Variants in CAST observed in about 807,000 individuals in gnomAD.
The protein encoded by CAST is calpastatin, also known as MIR583 host.
A neutral mutation model predicts 119.6 loss-of-function variants in CAST; 76 were observed. That is an observed-to-expected ratio of 0.64 (90% CI 0.53 to 0.77). CAST has a LOEUF of 0.77. CAST is among the 30% of genes least tolerant of loss of function. The pLI is 0.00. For missense variants in CAST, 953 were observed against 946.5 expected, an observed-to-expected ratio of 1.01 and a Z score of -0.09; for synonymous variants, 319 against 331.6, an observed-to-expected ratio of 0.96 and a Z score of 0.41.
chr5:96,303,382 A>G, the CAST span, among the ~76,000 whole-genome samples: 1 of 152,176 alleles, frequency 6.6e-6, no homozygotes, highest in African/African-American at 2.4e-5. Context: ...CTTTTGTGAA[A>G]TATTTAGGAT....
chr5:96,092,885 C>A, the CAST span, among the ~76,000 whole-genome samples: 1 of 152,202 alleles, frequency 6.6e-6, no homozygotes, highest in Non-Finnish European at 1.5e-5. Context: ...CACCGTGTAG[C>A]TTAACTAGGA....
chr5:95,961,656 C>G, the CAST span: 2 of 1,610,472 alleles, frequency 1.2e-6, no homozygotes, highest in African/African-American at 2.7e-5. Context: ...TGTCCTGCCC[C>G]AGCCGTCCGC....
chr5:96,611,982 A>C (rs2150196439), intron 1 of CAST, among the ~76,000 whole-genome samples: 1 of 152,352 alleles, frequency 6.6e-6, no homozygotes, highest in East Asian at 1.9e-4. Context: ...GAACACCTAT[A>C]CACTGTCGAT....
intron 17 of CAST, 123 bp from the exon 18 acceptor site, chr5:96,747,222 A>G: frequency 3.0e-6 from 2 of 657,772 alleles, no homozygotes; most frequent in Non-Finnish European, 5.5e-6. Context: ...ACACAAACTC[A>G]TGTAAATCTA....
the CAST span, among the ~76,000 whole-genome samples, chr5:96,214,107 A>G: frequency 6.6e-6 from 1 of 152,198 alleles, no homozygotes; most frequent in Non-Finnish European, 1.5e-5. Context: ...TTAGAAGTCA[A>G]TCTCAGGAAG....
At position 96,742,757 on chromosome 5, in the gene CAST, G is replaced by A. The variant is rs910995862; in HGVS notation, c.1200+1G>A. The A allele has an allele frequency of 1.9e-6, 3 of 1,606,882 alleles. No individual in the cohort carries two copies. The highest frequency in any genetic ancestry group is 2.7e-5 in the African/African-American group (2 of 74,740). On this transcript the variant is annotated splice_donor_variant, in intron 16 of 31. Transcript: ENST00000675179. LOFTEE classifies it high-confidence loss of function. ...CCGCTCAATTAAGGAAGTCGATGAG[G>A]TACTGACCTTAGAGTTGATTTACAA... is the stretch of plus-strand genomic sequence containing the variant.
the CAST span, among the ~76,000 whole-genome samples, chr5:96,032,933 G>T: frequency 6.6e-6 from 1 of 151,868 alleles, no homozygotes; most frequent in South Asian, 2.1e-4. Context: ...AACCCTAAAG[G>T]CACCACCAAA....
the CAST span, among the ~76,000 whole-genome samples, chr5:96,208,455 G>C: frequency 6.6e-6 from 1 of 151,728 alleles, no homozygotes; most frequent in Non-Finnish European, 1.5e-5. Flanking sequence ...TTTTCAGTGT[G>C]GGTGTTTGAT....
chr5:96,181,316 CG>C, the CAST span, among the ~76,000 whole-genome samples: 1 of 152,136 alleles, frequency 6.6e-6, no homozygotes, highest in East Asian at 1.9e-4. Flanking sequence ...TCTTCCTTCC[CG>C]GGGTGTGGTC....
At chr5:96,474,666 C>T in the CAST span, among the ~76,000 whole-genome samples, 44 of 152,236 alleles carry the variant, frequency 2.9e-4, no homozygotes, top group African/African-American at 1.0e-3. Flanking sequence ...ATGGAAACTT[C>T]CAGGCCCCCT....
At chr5:96,594,250 T>C (rs528490791) in intron 1 of CAST, among the ~76,000 whole-genome samples, 6 of 152,334 alleles carry the variant, frequency 3.9e-5, no homozygotes, top group African/African-American at 1.4e-4. Context: ...TAGCCAACCG[T>C]TCCTGCAGAA....
chr5:96,399,228 T>A, the CAST span, among the ~76,000 whole-genome samples: 1 of 152,222 alleles, frequency 6.6e-6, no homozygotes, highest in Non-Finnish European at 1.5e-5. Context: ...GGGGCACTAA[T>A]ACTTAAATAC....
chr5:96,261,531 G>C, the CAST span, among the ~76,000 whole-genome samples: 1 of 152,168 alleles, frequency 6.6e-6, no homozygotes, highest in East Asian at 1.9e-4. Context: ...TGACCCAAGA[G>C]CAGGATTTAC....
chr5:96,241,685 G>A, the CAST span, among the ~76,000 whole-genome samples: 1 of 141,290 alleles, frequency 7.1e-6, no homozygotes, highest in Non-Finnish European at 1.6e-5. Flanking sequence ...CACCAACAGT[G>A]TAAAAGTGTT....
chr5:96,544,155 C>A (rs1346069644), intron 1 of CAST, among the ~76,000 whole-genome samples: 1 of 152,192 alleles, frequency 6.6e-6, no homozygotes, highest in African/African-American at 2.4e-5. Context: ...TGGGGAAAAA[C>A]TGATATCTTG....
At chr5:96,097,690 C>T in the CAST span, among the ~76,000 whole-genome samples, 9 of 152,312 alleles carry the variant, frequency 5.9e-5, no homozygotes, top group African/African-American at 2.2e-4. Context: ...CATAGTATTC[C>T]ATGGTGTATA....
At chr5:96,007,050 C>T in the CAST span, among the ~76,000 whole-genome samples, 4 of 152,124 alleles carry the variant, frequency 2.6e-5, no homozygotes, top group Non-Finnish European at 5.9e-5. Flanking sequence ...TCCAGCTTCC[C>T]TCAATCACAT....
the CAST span, among the ~76,000 whole-genome samples, chr5:95,969,851 C>A: frequency 6.6e-6 from 1 of 152,076 alleles, no homozygotes; most frequent in Non-Finnish European, 1.5e-5. Context: ...CAGAGTCAAC[C>A]TATTGAGTAA....
intron 1 of CAST, among the ~76,000 whole-genome samples, chr5:96,613,135 C>A (rs1257035246): frequency 6.6e-6 from 1 of 152,178 alleles, no homozygotes; most frequent in East Asian, 1.9e-4. Flanking sequence ...GGTAGAGTGA[C>A]CCTCTCCATC....
Sources: allele counts gnomAD v4.1 joint callset (sites outside exome capture counted in the v4.1 genomes callset), GRCh38; gene constraint gnomAD v4.1.1; transcripts MANE v1.5; gene names NCBI Gene and HGNC (gene_info 2026-07-23, HGNC 2026-07-21).